Variants in IL19 observed in about 807,000 individuals in gnomAD.
IL19 encodes the protein interleukin 19.
Under a neutral mutation model 19.5 loss-of-function variants are expected in IL19, and 15 were observed. That is an observed-to-expected ratio of 0.77 (90% CI 0.52 to 1.19). The LOEUF (loss-of-function observed/expected upper bound fraction) is 1.19. IL19 is among the 50% of genes most tolerant of loss of function. The pLI is 0.00. For synonymous variants in IL19, 78 were observed against 78.3 expected, an observed-to-expected ratio of 1.00 and a Z score of 0.02; for missense variants, 199 against 213.1, an observed-to-expected ratio of 0.93 and a Z score of 0.41.
intron 1 of IL19, among the ~76,000 whole-genome samples, chr1:206,781,768 G>A (rs575305833): frequency 2.0e-5 from 3 of 151,012 alleles, no homozygotes; most frequent in East Asian, 1.9e-4. Flanking sequence ...AGCTGTTGGC[G>A]AACTATGTGG....
chr1:206,779,617 C>A (rs1001766009), intron 1 of IL19, among the ~76,000 whole-genome samples: 1 of 152,172 alleles, frequency 6.6e-6, no homozygotes, highest in Non-Finnish European at 1.5e-5. Flanking sequence ...TATTTCCAAG[C>A]ACCAATCTGA....
At chr1:206,806,649 G>T (rs1675853568) in intron 2 of IL19, among the ~76,000 whole-genome samples, 1 of 152,090 alleles carries the variant, frequency 6.6e-6, no homozygotes, top group Non-Finnish European at 1.5e-5. Flanking sequence ...ATCACAATAA[G>T]GATAAATTAG....
chr1:206,842,914 A>C lies in IL19; in HGVS notation c.*292A>C. The C allele has an allele frequency of 3.6e-6, 1 of 275,698 alleles. No individual in the cohort carries two copies. Among genetic ancestry groups the C allele is most frequent in the South Asian group, 7.0e-5 (1 of 14,188 alleles). The allele number at this position is 275,698 out of a possible 1,614,324, so 17.1% of individuals were successfully genotyped here. On this transcript the variant is annotated 3_prime_UTR_variant, in exon 7 of 7. Transcript: ENST00000659997. ...TAGTCCATGTCTGTGATGTGAGCCA[A>C]GTGATATCCTGTAGTACACATTGTA...
Position 206,842,784 on chromosome 1 carries a change from A to G in IL19, c.*162A>G, listed in dbSNP as rs1443688208. 2.0e-5 allele frequency: 11 copies of G among 550,706 alleles called. No individual in the cohort carries two copies. The highest frequency in any genetic ancestry group is 3.6e-5 in the Non-Finnish European group (11 of 308,690). 34.1% of individuals were successfully genotyped at this position (550,706 alleles called of 1,614,324 possible). A position where few individuals can be genotyped will look rare whatever the true frequency, so the allele number is the denominator to read the frequency against. On this transcript the variant is annotated 3_prime_UTR_variant, in exon 7 of 7. Coordinates refer to ENST00000659997, the MANE Select transcript of IL19 (RefSeq NM_153758.5). ...TCTTATTCCGCTTGAAAATAGCCAA[A>G]AAGTCTACTGTGGTATTTGTAATAA...
intron 1 of IL19, among the ~76,000 whole-genome samples, chr1:206,777,753 T>G (rs1675045034): frequency 6.6e-6 from 1 of 152,246 alleles, no homozygotes; most frequent in African/African-American, 2.4e-5. Context: ...GACTCCTATT[T>G]GCCATTAGTA....
chr1:206,813,368 C>CT (rs999998086), intron 2 of IL19, among the ~76,000 whole-genome samples: 10 of 151,912 alleles, frequency 6.6e-5, no homozygotes, highest in Non-Finnish European at 8.8e-5. Context: ...TTCATCATAA[C>CT]TTTTTTTTTC....
intron 2 of IL19, among the ~76,000 whole-genome samples, chr1:206,834,600 G>A (rs147507847): frequency 5.9e-4 from 90 of 152,356 alleles, no homozygotes; most frequent in African/African-American, 2.0e-3. Context: ...AGAAGAGATA[G>A]AGAGTGGGAA....
At chr1:206,796,224 T>A (rs4845135) in intron 1 of IL19, among the ~76,000 whole-genome samples, 68,128 of 151,512 alleles carry the variant, frequency 0.45, 15,759 homozygotes, top group East Asian at 0.7. Flanking sequence ...GTTCTACTGT[T>A]ACGCTTTGTA....
chr1:206,842,729 C>G lies in IL19; in HGVS notation c.*107C>G. On this transcript the variant is annotated 3_prime_UTR_variant, in exon 7 of 7. Coordinates refer to ENST00000659997, the MANE Select transcript of IL19 (RefSeq NM_153758.5). ...AGGAGATGGGGAAGGCCCCTTGCAG[C>G]TGAAAGTCCCACTGGCTGGCCTCAG... is the stretch of plus-strand genomic sequence containing the variant. 2 of 650,746 alleles carry G rather than the reference C, an allele frequency of 3.1e-6. No individual in the cohort carries two copies. Among genetic ancestry groups the G allele is most frequent in the Non-Finnish European group, 5.3e-6 (2 of 378,102 alleles). The allele number at this position is 650,746 out of a possible 1,614,324, so 40.3% of individuals were successfully genotyped here.
At chr1:206,842,484 A>G (rs1472870455) in intron 6 of IL19, 43 bp from the exon 7 acceptor site, 11 of 1,190,174 alleles carry the variant, frequency 9.2e-6, no homozygotes, top group Non-Finnish European at 1.3e-5. Context: ...AAACCATTAC[A>G]CAGTCTAGAA....
intron 1 of IL19, among the ~76,000 whole-genome samples, chr1:206,793,412 A>AG (rs1376285041): frequency 1.3e-5 from 2 of 152,204 alleles, no homozygotes; most frequent in Non-Finnish European, 2.9e-5. Flanking sequence ...GGATTTGGTC[A>AG]GCATGGGCCC....
chr1:206,800,387 A>T (rs757694447), intron 2 of IL19, among the ~76,000 whole-genome samples: 26 of 152,240 alleles, frequency 1.7e-4, no homozygotes, highest in Non-Finnish European at 3.4e-4. Context: ...AAGGTCACAG[A>T]TGAATGCTCC....
intron 2 of IL19, among the ~76,000 whole-genome samples, chr1:206,827,521 T>G (rs1302040239): frequency 1.3e-5 from 2 of 151,990 alleles, no homozygotes; most frequent in Non-Finnish European, 1.5e-5. Flanking sequence ...AAACCCCGTC[T>G]CTACTAAAAA....
chr1:206,820,629 A>G (rs888854101), intron 2 of IL19, among the ~76,000 whole-genome samples: 1 of 152,228 alleles, frequency 6.6e-6, no homozygotes, highest in Non-Finnish European at 1.5e-5. Flanking sequence ...TTCAAATAAT[A>G]GCAATCATTT....
At chr1:206,784,663 C>T (rs1675225931) in intron 1 of IL19, among the ~76,000 whole-genome samples, 1 of 152,098 alleles carries the variant, frequency 6.6e-6, no homozygotes, top group Admixed American at 6.5e-5. Context: ...AGCATGGCCC[C>T]GGGGGCGGCG....
At chr1:206,822,215 T>A (rs1676307273) in intron 2 of IL19, among the ~76,000 whole-genome samples, 1 of 151,016 alleles carries the variant, frequency 6.6e-6, no homozygotes, top group Non-Finnish European at 1.5e-5. Context: ...AAGGGGGAAA[T>A]GGAGAAGGGC....
At position 206,779,430 on chromosome 1, in the gene IL19, CCTTAA is replaced by C. The variant is rs376454327; in HGVS notation, c.-149+8356_-149+8360del. 8.5e-5 allele frequency among the ~76,000 whole-genome samples: 13 copies of C among 152,228 alleles called. No individual in the cohort carries two copies. The South Asian group carries it at 2.7e-3, about 32-fold the overall frequency. ...GGCCCACTGGACCCATTTTATGCAC[CCTTAA>C]CTTGTCTTTTCTCATTCCTTTGACT... is the stretch of plus-strand genomic sequence containing the variant. On this transcript the variant is annotated intron_variant, in intron 1 of 6. Coordinates refer to ENST00000659997, the MANE Select transcript of IL19 (RefSeq NM_153758.5).
intron 2 of IL19, among the ~76,000 whole-genome samples, chr1:206,809,592 T>G (rs1056729637): frequency 2.6e-5 from 4 of 152,160 alleles, no homozygotes; most frequent in Non-Finnish European, 4.4e-5. Flanking sequence ...CTAACTAGTT[T>G]TAGGAAAACC....
intron 1 of IL19, among the ~76,000 whole-genome samples, chr1:206,779,613 C>G (rs532684578): frequency 2.6e-5 from 4 of 152,294 alleles, no homozygotes; most frequent in Admixed American, 6.5e-5. Flanking sequence ...TAATTATTTC[C>G]AAGCACCAAT....
Sources: gnomAD v4.1 joint callset for allele counts (sites outside exome capture counted in the v4.1 genomes callset) on GRCh38, gnomAD v4.1.1 for gene constraint, MANE v1.5 for transcripts, NCBI Gene and HGNC (gene_info 2026-07-23, HGNC 2026-07-21) for gene names.